TH: variants seen among roughly 807,000 people sequenced by gnomAD.
TH encodes tyrosine hydroxylase.
In TH, 49 loss-of-function variants were observed where a neutral mutation model predicts 57.4. The observed-to-expected ratio is 0.85, with a 90% confidence interval of 0.68 to 1.08. The LOEUF (loss-of-function observed/expected upper bound fraction) is 1.08, where lower values mean the gene tolerates loss of function less well. TH is among the 50% of genes least tolerant of loss of function. TH has a pLI of 0.00. For synonymous variants in TH, 330 were observed against 304.5 expected (o/e 1.08, Z -0.87); for missense variants, 720 against 696.7 (o/e 1.03, Z -0.38).
At position 2,168,565 on chromosome 11, in the gene TH, C is replaced by A. The variant is rs769287275; in HGVS notation, c.413G>T (p.Arg138Leu). 1.2e-6 allele frequency: 2 copies of A among 1,611,768 alleles called. No homozygotes were observed. Among genetic ancestry groups the A allele is most frequent in the Non-Finnish European group, 1.7e-6 (2 of 1,179,630 alleles). The change falls in exon 3 of 13, where the codon CGA becomes CTA. Residue 138 changes from arginine to leucine, a missense_variant. Physicochemically the swap from Arg to Leu is moderately radical, Grantham distance 102. Coordinates refer to ENST00000352909, the MANE Select transcript of TH (RefSeq NM_000360.4). Reference sequence around the variant, plus strand: ...ACTGAGCAGGGCGGCCAGGTCCCCTCGGCGCACCTCGAGGCGCACGAAGTA... The same window carrying A: ...ACTGAGCAGGGCGGCCAGGTCCCCTAGGCGCACCTCGAGGCGCACGAAGTA... ...LEYFVRLEVR[R>L]GDLAALLSGV... is the part of the protein sequence containing the mutation.
chr11:2,169,699 G>A lies in TH; in HGVS notation c.263C>T (p.Pro88Leu), dbSNP rs150260759. 57 of 1,613,370 alleles carry A rather than the reference G, an allele frequency of 3.5e-5. No homozygotes were observed. Among genetic ancestry groups the A allele is most frequent in the African/African-American group, 2.5e-4 (19 of 75,046 alleles). The change falls in exon 2 of 13, where the codon CCG becomes CTG. Residue 88 changes from proline to leucine, a missense_variant. Coordinates refer to ENST00000352909, the MANE Select transcript of TH (RefSeq NM_000360.4). ...GKAVLNLLFS[P>L]RATKPSALSR... Reference sequence around the variant, plus strand: ...CAGCGCCGAGGGCTTGGTGGCCCTCGGGGAGAAGAGCAGGTTTAGCACGGC... The same window carrying A: ...CAGCGCCGAGGGCTTGGTGGCCCTCAGGGAGAAGAGCAGGTTTAGCACGGC...
At chr11:2,169,141 C>T (rs1254200693) in intron 2 of TH, among the ~76,000 whole-genome samples, 3 of 152,072 alleles carry the variant, frequency 2.0e-5, no homozygotes, top group Non-Finnish European at 4.4e-5. Flanking sequence ...TCGCAGTGGC[C>T]CTCGGGCCAC....
chr11:2,168,741 G>GCCCCCC, intron 2 of TH, 76 bp from the exon 3 acceptor site: 1 of 452,424 alleles, frequency 2.2e-6, no homozygotes, highest in Non-Finnish European at 4.5e-6. Flanking sequence ...GGTGGGCGGG[G>GCCCCCC]AGGAGGCACA....
chr11:2,171,538 G>A lies in TH; in HGVS notation c.90+159C>T. ...GACTCAAACACCAGGCACAGGGGAT[G>A]CCGCTGTGCCCAGGCCTCCACATCC... On this transcript the variant is annotated intron_variant, in intron 1 of 12. Coordinates refer to ENST00000352909, the MANE Select transcript of TH (RefSeq NM_000360.4). The surrounding 1 kb of genome is among the most constrained non-coding windows in gnomAD (Gnocchi z 8.6). 3 of 720,428 alleles carry A rather than the reference G, an allele frequency of 4.2e-6. No individual in the cohort carries two copies. Among genetic ancestry groups the A allele is most frequent in the Non-Finnish European group, 7.1e-6 (3 of 422,590 alleles). The allele number at this position is 720,428 out of a possible 1,614,324, so 44.6% of individuals were successfully genotyped here.
At position 2,170,991 on chromosome 11, in the gene TH, T is replaced by C. The variant is rs1258117079; in HGVS notation, c.90+706A>G. Among the ~76,000 whole-genome samples the C allele has an allele frequency of 6.6e-6, 1 of 152,082 alleles. No homozygotes were observed. Among genetic ancestry groups the C allele is most frequent in the Non-Finnish European group, 1.5e-5 (1 of 67,996 alleles). ...AAGGAGGCACCGAAGACCCCTCCTG[T>C]GGGCTGAAAAGCTCCCGATTATCCA... On this transcript the variant is annotated intron_variant, in intron 1 of 12. Coordinates refer to ENST00000352909, the MANE Select transcript of TH (RefSeq NM_000360.4). The surrounding 1 kb of genome is among the most constrained non-coding windows in gnomAD (Gnocchi z 6.0).
rs1234933773 is a variant in TH at position 2,164,110 on chromosome 11, T to C, written c.*123A>G. 2 of 877,568 alleles carry C rather than the reference T, an allele frequency of 2.3e-6. No individual in the cohort carries two copies. The highest frequency in any genetic ancestry group is 4.0e-5 in the Admixed American group (1 of 25,302). The allele number at this position is 877,568 out of a possible 1,614,324, so 54.4% of individuals were successfully genotyped here. A position where few individuals can be genotyped will look rare whatever the true frequency, so the allele number is the denominator to read the frequency against. On this transcript the variant is annotated 3_prime_UTR_variant, in exon 13 of 13. Coordinates refer to ENST00000352909, the MANE Select transcript of TH (RefSeq NM_000360.4). The stretch of plus-strand genomic sequence containing the variant: ...CGCTGAGAAGCAGGTGCAGGGGCAG[T>C]GGGAGCCTGGCAGCAGGGAGGGCAT...
In TH at chr11:2,166,654, G is replaced by T; in HGVS notation, c.956C>A (p.Ser319Ter). The T allele has an allele frequency of 6.3e-7, 1 of 1,575,214 alleles. No homozygotes were observed. Among genetic ancestry groups the T allele is most frequent in the South Asian group, 1.2e-5 (1 of 86,126 alleles). The change falls in exon 8 of 13, where the codon TCG (serine) becomes TAG (stop). Residue 319 changes from serine to a stop codon, truncating the protein, a stop_gained. Coordinates refer to ENST00000352909, the MANE Select transcript of TH (RefSeq NM_000360.4). LOFTEE classifies it high-confidence loss of function. ...TCACGGCTCAGGGGAGTGCATGGGC[G>T]AGGACGCGTGGCGGATATACTGGGT... is the stretch of plus-strand genomic sequence containing the variant. ...QCTQYIRHAS[S>*]PMHSPEPDCC...
At chr11:2,169,924 C>T (rs1846208193) in intron 1 of TH, 53 bp from the exon 2 acceptor site, 4 of 1,555,034 alleles carry the variant, frequency 2.6e-6, no homozygotes, top group Admixed American at 1.8e-5. Context: ...ACCCGGGGAC[C>T]TCCACCCACA....
At position 2,165,983 on chromosome 11, in the gene TH, C is replaced by A. The variant is rs1165677774; in HGVS notation, c.1104+19G>T. On this transcript the variant is annotated intron_variant, in intron 10 of 12. Coordinates refer to ENST00000352909, the MANE Select transcript of TH (RefSeq NM_000360.4). ...CCCCAAACCCACACCCCAGGCCCTG[C>A]AGGGAGGGGTCAACCCACCGTGGAC... 1.9e-6 allele frequency: 3 copies of A among 1,558,354 alleles called. No homozygotes were observed. Among genetic ancestry groups the A allele is most frequent in the Non-Finnish European group, 1.7e-6 (2 of 1,151,176 alleles).
chr11:2,169,518 C>A, intron 2 of TH, 132 bp downstream of exon 2: 1 of 857,810 alleles, frequency 1.2e-6, no homozygotes. Flanking sequence ...CCTGAGACTC[C>A]CCTGCTGCAT....
At position 2,165,636 on chromosome 11, in the gene TH, T is replaced by G. The variant is rs746662044; in HGVS notation, c.1200+32A>C. 3 of 1,605,312 alleles carry G rather than the reference T, an allele frequency of 1.9e-6. No individual in the cohort carries two copies. In the African/African-American group the frequency reaches 4.0e-5, roughly 21 times the overall value. On this transcript the variant is annotated intron_variant, in intron 11 of 12. Coordinates refer to ENST00000352909, the MANE Select transcript of TH (RefSeq NM_000360.4). The stretch of plus-strand genomic sequence containing the variant: ...GCACCGTCCCCCAGCCCTGCCCCTC[T>G]GCTGGGGGCTGCAGCAAGGAGAGAC...
Position 2,166,001 on chromosome 11 carries a change from C to A in TH, c.1104+1G>T. On this transcript the variant is annotated splice_donor_variant, in intron 10 of 12. Transcript: ENST00000352909. LOFTEE classifies it high-confidence loss of function. ...GGCCCTGCAGGGAGGGGTCAACCCA[C>A]CGTGGACAGCTTCTCAATTTCCTCA... The A allele has an allele frequency of 6.4e-7, 1 of 1,561,212 alleles. No homozygotes were observed. The highest frequency in any genetic ancestry group is 2.4e-5 in the East Asian group (1 of 42,524).
At chr11:2,168,286 C>T in intron 3 of TH, 107 bp from the exon 4 acceptor site, 1 of 1,413,668 alleles carries the variant, frequency 7.1e-7, no homozygotes, top group Non-Finnish European at 9.9e-7. Context: ...GCAGAGGCAG[C>T]CGGGGCTGTG....
chr11:2,166,410 G>C (rs1429968305), intron 9 of TH, 70 bp downstream of exon 9: 1 of 1,513,294 alleles, frequency 6.6e-7, no homozygotes, highest in East Asian at 2.5e-5. Flanking sequence ...CCCGCACATC[G>C]ATCCCCGCCC....
intron 2 of TH, among the ~76,000 whole-genome samples, chr11:2,169,174 G>T (rs1281952624): frequency 6.6e-6 from 1 of 152,118 alleles, no homozygotes; most frequent in Non-Finnish European, 1.5e-5. Flanking sequence ...GGGAGCTGGG[G>T]GGCGGGGAGT....
chr11:2,166,507 G>A lies in TH; in HGVS notation c.1020C>T (p.Ala340=), dbSNP rs2133692241. 1 of 1,598,092 alleles carries A rather than the reference G, an allele frequency of 6.3e-7. No individual in the cohort carries two copies. The highest frequency in any genetic ancestry group is 1.1e-5 in the South Asian group (1 of 89,478). ...HELLGHVPML[A]DRTFAQFSQD... is the part of the protein sequence containing the mutation. ...GCGAGAACTGCGCGAAGGTGCGGTC[G>A]GCCAGCATGGGCACGTGCCCCAGCA... The change falls in exon 9 of 13, where the codon GCC becomes GCT. Residue 340 remains alanine (A), a synonymous_variant. Transcript: ENST00000352909.
intron 6 of TH, 78 bp from the exon 7 acceptor site, chr11:2,167,110 C>T (rs2133694069): frequency 2.0e-6 from 3 of 1,531,962 alleles, no homozygotes; most frequent in Middle Eastern, 2.2e-4. Flanking sequence ...GTGGGTGCCT[C>T]TGCCTGCCTG....
intron 3 of TH, 117 bp downstream of exon 3, chr11:2,168,374 G>T: frequency 1.4e-6 from 2 of 1,455,714 alleles, no homozygotes; most frequent in Non-Finnish European, 1.9e-6. Flanking sequence ...AGTGGAGCCC[G>T]CAGAGAGGGA....
At chr11:2,167,962 G>T in intron 4 of TH, 29 bp from the exon 5 acceptor site, 1 of 1,610,676 alleles carries the variant, frequency 6.2e-7, no homozygotes, top group Non-Finnish European at 8.5e-7. Flanking sequence ...CACGGGTCAG[G>T]AGGCTGTGCT....
Sources: allele counts gnomAD v4.1 joint callset (sites outside exome capture counted in the v4.1 genomes callset), GRCh38; gene constraint gnomAD v4.1.1; non-coding constraint Gnocchi (gnomAD v3.1); transcripts MANE v1.5; gene names NCBI Gene and HGNC (gene_info 2026-07-23, HGNC 2026-07-21).